UFM1: variants seen among roughly 807,000 people sequenced by gnomAD.
UFM1 encodes the protein ubiquitin-fold modifier 1.
A neutral mutation model predicts 15.4 loss-of-function variants in UFM1; 9 were observed. That is an observed-to-expected ratio of 0.59 (90% confidence interval 0.35 to 1.02). The LOEUF is 1.02. Among genes scored for constraint, UFM1 ranks in the 50% least tolerant of loss-of-function variants. The pLI is 0.02. For synonymous variants in UFM1, 27 were observed against 36.3 expected, an observed-to-expected ratio of 0.74 and a Z score of 0.92; for missense variants, 98 against 104.7, an observed-to-expected ratio of 0.94 and a Z score of 0.28.
At chr13:38,354,381 C>T in intron 3 of UFM1, 85 bp downstream of exon 3, 1 of 1,177,540 alleles carries the variant, frequency 8.5e-7, no homozygotes, top group Non-Finnish European at 1.2e-6. Context: ...TGCACTTTGA[C>T]CCATCATTTC....
At position 38,360,819 on chromosome 13, in the gene UFM1, T is replaced by C. The variant is rs770965713; in HGVS notation, c.*41T>C. On this transcript the variant is annotated 3_prime_UTR_variant, in exon 6 of 6. Coordinates refer to ENST00000239878, the MANE Select transcript of UFM1 (RefSeq NM_016617.4). Reference sequence around the variant, plus strand: ...ACATACGATTGCCTTTCAGAATAAATATTGGTATTTTTTGTTGTTGTAAAA... The same window carrying C: ...ACATACGATTGCCTTTCAGAATAAACATTGGTATTTTTTGTTGTTGTAAAA... The C allele has an allele frequency of 2.0e-6, 3 of 1,516,314 alleles. No individual in the cohort carries two copies. Among genetic ancestry groups the C allele is most frequent in the Non-Finnish European group, 2.7e-6 (3 of 1,099,416 alleles). 93.9% of individuals were successfully genotyped at this position (1,516,314 alleles called of 1,614,324 possible).
rs935775512 is a variant in UFM1 at position 38,363,134 on chromosome 13, C to T, written c.*2356C>T. 6.6e-6 allele frequency: 1 copy of T among 152,190 alleles called. No homozygotes were observed. The highest frequency in any genetic ancestry group is 1.5e-5 in the Non-Finnish European group (1 of 68,040). The allele number at this position is 152,190 out of a possible 1,614,324, so 9.4% of individuals were successfully genotyped here. A position where few individuals can be genotyped will look rare whatever the true frequency, so the allele number is the denominator to read the frequency against. ...TAAGTCAGAGAAATTAGTTTATAGT[C>T]ATCTGCCACAGACATAGTAGTGATG... On this transcript the variant is annotated 3_prime_UTR_variant, in exon 6 of 6. Transcript: ENST00000239878.
chr13:38,350,931 C>T (rs1318753353), intron 2 of UFM1, among the ~76,000 whole-genome samples: 1 of 152,182 alleles, frequency 6.6e-6, no homozygotes, highest in African/African-American at 2.4e-5. Flanking sequence ...TTCATGGTTG[C>T]AGCCTAGAAC....
chr13:38,351,409 A>T (rs1179061122), intron 2 of UFM1, among the ~76,000 whole-genome samples: 3 of 151,496 alleles, frequency 2.0e-5, no homozygotes, highest in Admixed American at 6.5e-5. Context: ...AAAAATTTCA[A>T]ACTTTCCACA....
At position 38,357,196 on chromosome 13, in the gene UFM1, T is replaced by C. The variant is rs113130969; in HGVS notation, c.118-897T>C. On this transcript the variant is annotated intron_variant, in intron 3 of 5. Coordinates refer to ENST00000239878, the MANE Select transcript of UFM1 (RefSeq NM_016617.4). The stretch of plus-strand genomic sequence containing the variant: ...AAATCAGCAAATCATTACAGAGGAA[T>C]GTAAGGAATACAAGCCTTGGTTGTT... 3.0e-3 allele frequency among the ~76,000 whole-genome samples: 460 copies of C among 152,048 alleles called. 5 individuals carry two copies. The highest frequency in any genetic ancestry group is 0.01 in the Middle Eastern group (3 of 294).
chr13:38,359,240 C>CT (rs1879262618), intron 4 of UFM1, 61 bp from the exon 5 acceptor site: 6 of 1,539,794 alleles, frequency 3.9e-6, no homozygotes, highest in Non-Finnish European at 4.4e-6. Flanking sequence ...TCTTTCCTTG[C>CT]TACTATTTAA....
Position 38,354,332 on chromosome 13 carries a change from C to T in UFM1, c.117+36C>T, listed in dbSNP as rs759041867. ...AAGTTGGAACAACCTTTATGGAATGCGGTTTGCCAATATGCTTCAAATGTC... is the reference window on the plus strand; with the variant it reads ...AAGTTGGAACAACCTTTATGGAATGTGGTTTGCCAATATGCTTCAAATGTC... On this transcript the variant is annotated intron_variant, in intron 3 of 5. Coordinates refer to ENST00000239878, the MANE Select transcript of UFM1 (RefSeq NM_016617.4). 8.2e-6 allele frequency: 13 copies of T among 1,579,310 alleles called. No individual in the cohort carries two copies. In the East Asian group the frequency reaches 1.6e-4, roughly 19 times the overall value.
intron 2 of UFM1, 194 bp downstream of exon 2, chr13:38,350,249 G>A (rs1264411936): frequency 6.3e-7 from 1 of 1,593,126 alleles, no homozygotes; most frequent in Admixed American, 1.8e-5. Flanking sequence ...CTCGCTAAGT[G>A]TCAGCTTGGC....
At position 38,362,301 on chromosome 13, in the gene UFM1, C is replaced by G. The variant is rs751668232; in HGVS notation, c.*1523C>G. ...GGGGAAAAAAAATAAGAAGATTCAACAGAATCAGCATTTGAAGTGTACCAT... is the reference window on the plus strand; with the variant it reads ...GGGGAAAAAAAATAAGAAGATTCAAGAGAATCAGCATTTGAAGTGTACCAT... On this transcript the variant is annotated 3_prime_UTR_variant, in exon 6 of 6. Coordinates refer to ENST00000239878, the MANE Select transcript of UFM1 (RefSeq NM_016617.4). 7 of 152,034 alleles carry G rather than the reference C, an allele frequency of 4.6e-5. No homozygotes were observed. The highest frequency in any genetic ancestry group is 1.0e-4 in the Non-Finnish European group (7 of 68,004). The allele number at this position is 152,034 out of a possible 1,614,324, so 9.4% of individuals were successfully genotyped here. A position where few individuals can be genotyped will look rare whatever the true frequency, so the allele number is the denominator to read the frequency against.
Position 38,363,342 on chromosome 13 carries a change from A to G in UFM1, c.*2564A>G, listed in dbSNP as rs1244841857. On this transcript the variant is annotated 3_prime_UTR_variant, in exon 6 of 6. Coordinates refer to ENST00000239878, the MANE Select transcript of UFM1 (RefSeq NM_016617.4). ...AGCAATAGGCCATACCAAATAGCCTAAGTTTGTAGTAGGTGACATCAACTA... is the reference window on the plus strand; with the variant it reads ...AGCAATAGGCCATACCAAATAGCCTGAGTTTGTAGTAGGTGACATCAACTA... 3.9e-5 allele frequency: 6 copies of G among 152,202 alleles called. No homozygotes were observed. The highest frequency in any genetic ancestry group is 1.4e-4 in the African/African-American group (6 of 41,428). The allele number at this position is 152,202 out of a possible 1,614,324, so 9.4% of individuals were successfully genotyped here. A position where few individuals can be genotyped will look rare whatever the true frequency, so the allele number is the denominator to read the frequency against.
intron 3 of UFM1, 52 bp from the exon 4 acceptor site, chr13:38,358,037 TTGTG>T (rs71673975): frequency 0.016 from 7,630 of 473,806 alleles, 3 homozygotes; most frequent in South Asian, 0.027. Context: ...TCTTATAGTT[TTGTG>T]TGTGTGTGTG....
At chr13:38,356,460 C>G (rs1177824710) in intron 3 of UFM1, among the ~76,000 whole-genome samples, 1 of 151,644 alleles carries the variant, frequency 6.6e-6, no homozygotes, top group Admixed American at 6.6e-5. Context: ...ATTTTAAAAT[C>G]TTTAAAAGGA....
chr13:38,359,946 A>G (rs1056776035), intron 5 of UFM1: 1 of 232,458 alleles, frequency 4.3e-6, no homozygotes, highest in African/African-American at 2.4e-5. Flanking sequence ...AAAATTAGGC[A>G]TGCTTTAATG....
chr13:38,351,706 AGAAG>A (rs1479443585), intron 2 of UFM1, among the ~76,000 whole-genome samples: 4 of 152,152 alleles, frequency 2.6e-5, no homozygotes, highest in Admixed American at 1.3e-4. Context: ...AGAGAGCGTG[AGAAG>A]GAAGGAAGAA....
intron 3 of UFM1, among the ~76,000 whole-genome samples, chr13:38,357,513 G>GGT (rs1555241320): frequency 1.3e-5 from 2 of 149,160 alleles, no homozygotes; most frequent in Non-Finnish European, 3.0e-5. Context: ...ATAATACAGG[G>GGT]TTTTTTTTTT....
intron 3 of UFM1, 114 bp downstream of exon 3, chr13:38,354,410 G>T: frequency 1.3e-6 from 1 of 780,300 alleles, no homozygotes. Context: ...TTCATTACTA[G>T]GTTTATGTTA....
chr13:38,354,468 A>G (rs1879006020), intron 3 of UFM1, 172 bp downstream of exon 3: 2 of 430,334 alleles, frequency 4.6e-6, no homozygotes, highest in Non-Finnish European at 8.2e-6. Flanking sequence ...TATAAGAAGC[A>G]TGAGTTAAAC....
At chr13:38,359,876 T>A in intron 5 of UFM1, 1 of 178,622 alleles carries the variant, frequency 5.6e-6, no homozygotes, top group Non-Finnish European at 1.2e-5. Flanking sequence ...TCTAAAACTT[T>A]TTTAAAATTA....
chr13:38,360,082 TTAAAATTGCAAATTTTTGTTA>T (rs1879301207), intron 5 of UFM1: 1 of 387,172 alleles, frequency 2.6e-6, no homozygotes, highest in African/African-American at 2.1e-5. Flanking sequence ...ATGAAGTGAT[TTAAAATTGCAAATTTTTGTTA>T]CTTCAGTAGT....
Sources: allele counts gnomAD v4.1 joint callset (sites outside exome capture counted in the v4.1 genomes callset), GRCh38; gene constraint gnomAD v4.1.1; transcripts MANE v1.5; gene names NCBI Gene and HGNC (gene_info 2026-07-23, HGNC 2026-07-21).